The following GALNT15 variants were observed in gnomAD, a reference collection of about 807,000 sequenced individuals.
GALNT15 encodes polypeptide N-acetylgalactosaminyltransferase 15.
In GALNT15, 67 loss-of-function variants were observed where a neutral mutation model predicts 66.8. That is an observed-to-expected ratio of 1.00 (90% CI 0.82 to 1.23). The LOEUF (loss-of-function observed/expected upper bound fraction) is 1.23, where lower values mean the gene tolerates loss of function less well. Among genes scored for constraint, GALNT15 ranks in the 50% most tolerant of loss-of-function variants. The pLI is 0.00. For synonymous variants in GALNT15, 313 were observed against 311.5 expected (o/e 1.00, Z -0.05); for missense variants, 827 against 804.3 (o/e 1.03, Z -0.34).
chr3:16,209,615 C>G lies in GALNT15; in HGVS notation c.1079+945C>G, dbSNP rs1455929157. ...GGCTGATCACTCGAGGCCAGGAGTT[C>G]GAGACCAACCTGGCCATCATGGCGA... is the stretch of plus-strand genomic sequence containing the variant. On this transcript the variant is annotated intron_variant, in intron 4 of 9. Transcript: ENST00000339732. This position sits in a 1 kb window ranked among gnomAD's most constrained non-coding sequence, Gnocchi z 4.1. Among the ~76,000 whole-genome samples the G allele has an allele frequency of 6.6e-6, 1 of 152,180 alleles. No homozygotes were observed. The highest frequency in any genetic ancestry group is 6.5e-5 in the Admixed American group (1 of 15,296).
chr3:16,195,700 G>T lies in GALNT15; in HGVS notation c.540-60G>T, dbSNP rs2063625233. 3 of 1,485,234 alleles carry T rather than the reference G, an allele frequency of 2.0e-6. No individual in the cohort carries two copies. The highest frequency in any genetic ancestry group is 1.7e-5 in the Admixed American group (1 of 57,676). 92.0% of individuals were successfully genotyped at this position (1,485,234 alleles called of 1,614,324 possible). ...CAGAGCAAAGGAAGCGAGTTAGAGG[G>T]TGTGGAGTGTTTCTTGTGGCCTTCT... On this transcript the variant is annotated intron_variant, in intron 1 of 9. Coordinates refer to ENST00000339732, the MANE Select transcript of GALNT15 (RefSeq NM_054110.5). This position sits in a 1 kb window ranked among gnomAD's most constrained non-coding sequence, Gnocchi z 4.6.
chr3:16,233,438 T>C (rs2064104554), downstream of GALNT15, among the ~76,000 whole-genome samples: 1 of 152,206 alleles, frequency 6.6e-6, no homozygotes, highest in South Asian at 2.1e-4. Flanking sequence ...CGTTGTTAAT[T>C]CATTTTCTTC....
intron 3 of GALNT15, among the ~76,000 whole-genome samples, chr3:16,201,701 C>G (rs2063705410): frequency 6.6e-6 from 1 of 152,204 alleles, no homozygotes; most frequent in African/African-American, 2.4e-5. Context: ...TTACATTACC[C>G]TGTAGACAAG....
At chr3:16,226,741 A>G (rs1397104105) in intron 9 of GALNT15, among the ~76,000 whole-genome samples, 1 of 152,258 alleles carries the variant, frequency 6.6e-6, no homozygotes, top group Non-Finnish European at 1.5e-5. Flanking sequence ...ACATTAATAA[A>G]TGAATGATGA....
rs182234059 is a variant in GALNT15 at position 16,211,293 on chromosome 3, A to G, written c.1197+52A>G. 44 of 1,147,864 alleles carry G rather than the reference A, an allele frequency of 3.8e-5. No homozygotes were observed. The highest frequency in any genetic ancestry group is 5.4e-5 in the Non-Finnish European group (41 of 756,516). The allele number at this position is 1,147,864 out of a possible 1,614,324, so 71.1% of individuals were successfully genotyped here. A position where few individuals can be genotyped will look rare whatever the true frequency, so the allele number is the denominator to read the frequency against. ...AGGTGGGATCTCTGGAGTGGTGTGTATGGTCACAGCTCAGAGGCAGGCATT... is the reference window on the plus strand; with the variant it reads ...AGGTGGGATCTCTGGAGTGGTGTGTGTGGTCACAGCTCAGAGGCAGGCATT... On this transcript the variant is annotated intron_variant, in intron 5 of 9. Transcript: ENST00000339732. The surrounding 1 kb of genome is among the most constrained non-coding windows in gnomAD (Gnocchi z 4.3).
In GALNT15 at chr3:16,203,537, TCTCTCTCACA is replaced by T. The variant is rs1274900249; in HGVS notation, c.911+2716_911+2725del. Among the ~76,000 whole-genome samples the T allele has an allele frequency of 1.2e-5, 1 of 84,060 alleles. No homozygotes were observed. Among genetic ancestry groups the T allele is most frequent in the East Asian group, 3.9e-4 (1 of 2,590 alleles). The allele number at this position is 84,060 out of a possible 152,430, so 55.1% of individuals were successfully genotyped here. On this transcript the variant is annotated intron_variant, in intron 3 of 9. Transcript: ENST00000339732. This position sits in a 1 kb window ranked among gnomAD's most constrained non-coding sequence, Gnocchi z 6.2. ...GTCACTCATTCTCTCTCTCTCTCTC[TCTCTCTCACA>T]CACACACACACACACACACACACAC...
In GALNT15 at chr3:16,175,035, G is replaced by T. The variant is rs73051140; in HGVS notation, c.-117G>T. 8 of 900,232 alleles carry T rather than the reference G, an allele frequency of 8.9e-6. No individual in the cohort carries two copies. Among genetic ancestry groups the T allele is most frequent in the Non-Finnish European group, 1.3e-5 (8 of 592,656 alleles). 55.8% of individuals were successfully genotyped at this position (900,232 alleles called of 1,614,324 possible). A position where few individuals can be genotyped will look rare whatever the true frequency, so the allele number is the denominator to read the frequency against. Reference sequence around the variant, plus strand: ...ATGTCAGGACCAGGTTAAGTGACTGGCAGAAAAACTTCCAGGTGGAACAAG... The same window carrying T: ...ATGTCAGGACCAGGTTAAGTGACTGTCAGAAAAACTTCCAGGTGGAACAAG... On this transcript the variant is annotated 5_prime_UTR_variant, in exon 1 of 10. Coordinates refer to ENST00000339732, the MANE Select transcript of GALNT15 (RefSeq NM_054110.5). The surrounding 1 kb of genome is among the most constrained non-coding windows in gnomAD (Gnocchi z 5.6).
chr3:16,201,397 G>T (rs185992494), intron 3 of GALNT15, among the ~76,000 whole-genome samples: 116 of 152,160 alleles, frequency 7.6e-4, no homozygotes, highest in Non-Finnish European at 2.9e-4. Flanking sequence ...TAGCCAGGAT[G>T]GTCTCGATCT....
chr3:16,183,985 C>T lies in GALNT15; in HGVS notation c.539+8295C>T, dbSNP rs185867785. On this transcript the variant is annotated intron_variant, in intron 1 of 9. Transcript: ENST00000339732. The surrounding 1 kb of genome is among the most constrained non-coding windows in gnomAD (Gnocchi z 5.2). ...TTGGAGTGTGAAGATATAAAGCTAG[C>T]CTGCAGAACAGCTCTCTTAGGCTAA... Among the ~76,000 whole-genome samples, 3 of 152,276 alleles carry T rather than the reference C, an allele frequency of 2.0e-5. No homozygotes were observed. The highest frequency in any genetic ancestry group is 4.8e-5 in the African/African-American group (2 of 41,554).
At chr3:16,223,718 T>G (rs2124904480) in intron 9 of GALNT15, among the ~76,000 whole-genome samples, 1 of 142,856 alleles carries the variant, frequency 7.0e-6, no homozygotes, top group Non-Finnish European at 1.5e-5. Context: ...TTTGGGACAG[T>G]GTCTCACTCT....
the GALNT15 span, chr3:16,243,902 A>G: frequency 4.7e-6 from 3 of 644,732 alleles, no homozygotes; most frequent in African/African-American, 3.9e-5. Context: ...CACCACAGCC[A>G]CAGATTGACC....
rs1327357543 is a variant in GALNT15, at chr3:16,211,899, C to G, written c.1197+658C>G. 6.6e-6 allele frequency among the ~76,000 whole-genome samples: 1 copy of G among 152,222 alleles called. No homozygotes were observed. Among genetic ancestry groups the G allele is most frequent in the African/African-American group, 2.4e-5 (1 of 41,452 alleles). On this transcript the variant is annotated intron_variant, in intron 5 of 9. Transcript: ENST00000339732. The surrounding 1 kb of genome is among the most constrained non-coding windows in gnomAD (Gnocchi z 4.3). Reference sequence around the variant, plus strand: ...TTTCTCTCAAAAATTTAACCCCAGACCCTATGAGTTTGCTGTGGCACCCTG... The same window carrying G: ...TTTCTCTCAAAAATTTAACCCCAGAGCCTATGAGTTTGCTGTGGCACCCTG...
chr3:16,199,254 T>C (rs1574979551), intron 2 of GALNT15, among the ~76,000 whole-genome samples: 1 of 141,872 alleles, frequency 7.0e-6, no homozygotes, highest in East Asian at 2.1e-4. Flanking sequence ...GTTATTCTTA[T>C]CTTAAACACA....
the GALNT15 span, among the ~76,000 whole-genome samples, chr3:16,241,503 A>G: frequency 6.6e-6 from 1 of 152,174 alleles, no homozygotes; most frequent in Non-Finnish European, 1.5e-5. The surrounding 1 kb of genome is among the most constrained non-coding windows in gnomAD (Gnocchi z 4.6). Flanking sequence ...CTTTTGCTGC[A>G]TAACAAACTA....
In GALNT15 at chr3:16,229,463, T is replaced by C; in HGVS notation, c.*1963T>C. On this transcript the variant is annotated 3_prime_UTR_variant, in exon 10 of 10. Coordinates refer to ENST00000339732, the MANE Select transcript of GALNT15 (RefSeq NM_054110.5). ...ATAGAACATTTCATCACAGTTCTGT[T>C]GGACCAATCTAGATAGATTCATTAT... 1.0e-6 allele frequency: 1 copy of C among 980,246 alleles called. No individual in the cohort carries two copies. Among genetic ancestry groups the C allele is most frequent in the Admixed American group, 6.1e-5 (1 of 16,266 alleles). 60.7% of individuals were successfully genotyped at this position (980,246 alleles called of 1,614,324 possible).
intron 5 of GALNT15, among the ~76,000 whole-genome samples, chr3:16,212,314 C>T (rs2063824209): frequency 6.6e-6 from 1 of 152,134 alleles, no homozygotes. Flanking sequence ...GCAGCATATT[C>T]AGGTAGTTGC....
At position 16,203,504 on chromosome 3, in the gene GALNT15, G is replaced by A. The variant is rs1380989971; in HGVS notation, c.911+2681G>A. Among the ~76,000 whole-genome samples the A allele has an allele frequency of 8.2e-6, 1 of 121,894 alleles. No homozygotes were observed. Among genetic ancestry groups the A allele is most frequent in the African/African-American group, 3.2e-5 (1 of 31,514 alleles). The allele number at this position is 121,894 out of a possible 152,430, so 80.0% of individuals were successfully genotyped here. On this transcript the variant is annotated intron_variant, in intron 3 of 9. Transcript: ENST00000339732. This position sits in a 1 kb window ranked among gnomAD's most constrained non-coding sequence, Gnocchi z 6.2. The stretch of plus-strand genomic sequence containing the variant: ...TCTCTCACGGTCTTTGTCTCTCTCT[G>A]TCTCTTGGTCACTCATTCTCTCTCT...
intron 6 of GALNT15, among the ~76,000 whole-genome samples, chr3:16,216,268 A>G (rs1334862670): frequency 6.6e-6 from 1 of 152,076 alleles, no homozygotes; most frequent in Non-Finnish European, 1.5e-5. Context: ...CAGGAGTGAA[A>G]GTTTATTAAA....
At position 16,211,127 on chromosome 3, in the gene GALNT15, C is replaced by A; in HGVS notation, c.1083C>A (p.Ser361Arg). ...CCTGCCTGTCTTCTGTGTCCAGGAG[C>A]CCTGTGGTGCCCGGAGAGGTGGTGG... is the stretch of plus-strand genomic sequence containing the variant. ...ALQSPISPIR[S>R]PVVPGEVVAM... Residue 361 changes from serine (S) to arginine (R), a missense_variant, in exon 5 of 10, where the codon AGC becomes AGA. By Grantham distance (110) the Ser-to-Arg change is moderately radical (BLOSUM62 -1). Transcript: ENST00000339732. This position sits in a 1 kb window ranked among gnomAD's most constrained non-coding sequence, Gnocchi z 4.3. The A allele has an allele frequency of 6.2e-7, 1 of 1,610,332 alleles. No homozygotes were observed. The highest frequency in any genetic ancestry group is 8.5e-7 in the Non-Finnish European group (1 of 1,176,726).
Sources: allele counts gnomAD v4.1 joint callset (sites outside exome capture counted in the v4.1 genomes callset), GRCh38; gene constraint gnomAD v4.1.1; non-coding constraint Gnocchi (gnomAD v3.1); transcripts MANE v1.5; gene names NCBI Gene and HGNC (gene_info 2026-07-23, HGNC 2026-07-21).